The following STARD8 variants were observed in gnomAD, a reference collection of about 807,000 sequenced individuals.
STARD8 encodes StAR related lipid transfer domain containing 8.
STARD8 carries 25 observed loss-of-function variants against 69.4 expected under a neutral mutation model. The observed-to-expected ratio is 0.36, with a 90% CI of 0.26 to 0.50. The LOEUF is 0.50. Among genes scored for constraint, STARD8 ranks in the 20% least tolerant of loss-of-function variants. The probability of loss-of-function intolerance (pLI) is 0.96; values close to 1 mark genes in which losing one functional copy is unlikely to be tolerated. For synonymous variants in STARD8, 389 were observed against 374.6 expected (o/e 1.04, Z -0.45); for missense variants, 921 against 932.5 (o/e 0.99, Z 0.16).
intron 2 of STARD8, among the ~76,000 whole-genome samples, chrX:68,683,031 T>G (rs1187941126): frequency 8.9e-6 from 1 of 112,625 alleles, no homozygotes; most frequent in Non-Finnish European, 1.9e-5. Flanking sequence ...AACAGTCAGT[T>G]GCCAAATCTG....
intron 2 of STARD8, among the ~76,000 whole-genome samples, chrX:68,706,281 T>G (rs1035637567): frequency 2.7e-5 from 3 of 111,572 alleles, no homozygotes; most frequent in African/African-American, 6.5e-5. Flanking sequence ...AGGTTTGGAA[T>G]GTAGGATGAG....
intron 2 of STARD8, among the ~76,000 whole-genome samples, chrX:68,681,725 G>A (rs1602565715): frequency 8.9e-6 from 1 of 112,069 alleles, no homozygotes; most frequent in Non-Finnish European, 1.9e-5. Flanking sequence ...TGGCTTTCAT[G>A]GCTAACTAGA....
chrX:68,720,551 C>T, intron 8 of STARD8, 128 bp downstream of exon 8: 1 of 830,849 alleles, frequency 1.2e-6, no homozygotes, highest in Middle Eastern at 4.6e-4. Context: ...GGCTGGTCCA[C>T]CAGAGGCCTT....
At chrX:68,677,994 C>A (rs1475892172) in intron 2 of STARD8, among the ~76,000 whole-genome samples, 1 of 111,100 alleles carries the variant, frequency 9.0e-6, no homozygotes, top group Non-Finnish European at 1.9e-5. Context: ...CTGCATCACT[C>A]CCCTTCAACC....
At chrX:68,699,160 G>C (rs1297991367) in intron 2 of STARD8, among the ~76,000 whole-genome samples, 1 of 111,675 alleles carries the variant, frequency 9.0e-6, no homozygotes, top group Non-Finnish European at 1.9e-5. Context: ...AGCCCAAGGT[G>C]CTCCTGGGAT....
chrX:68,652,946 A>AT (rs2079564344), intron 1 of STARD8, among the ~76,000 whole-genome samples: 4 of 18,537 alleles, frequency 2.2e-4, no homozygotes, highest in Non-Finnish European at 4.0e-4. Flanking sequence ...ACACACACAC[A>AT]CCACACCACA....
At chrX:68,674,957 A>ATTT (rs770593904) in intron 2 of STARD8, among the ~76,000 whole-genome samples, 2 of 53,852 alleles carry the variant, frequency 3.7e-5, no homozygotes, top group African/African-American at 6.7e-5. Flanking sequence ...TAATTTTTGT[A>ATTT]TTTTTTTTTT....
intron 12 of STARD8, 108 bp downstream of exon 12, chrX:68,722,754 T>A: frequency 1.3e-6 from 1 of 769,209 alleles, no homozygotes; most frequent in Non-Finnish European, 1.9e-6. Context: ...GCCGCCTGAG[T>A]CTCGCTGTGC....
intron 1 of STARD8, among the ~76,000 whole-genome samples, chrX:68,649,095 A>G (rs769665207): frequency 6.2e-5 from 7 of 112,331 alleles, no homozygotes; most frequent in Non-Finnish European, 7.5e-5. Context: ...GCCTGACTGT[A>G]AGACAGGATG....
At chrX:68,662,904 G>C (rs2079660267) in intron 1 of STARD8, among the ~76,000 whole-genome samples, 1 of 112,148 alleles carries the variant, frequency 8.9e-6, no homozygotes, top group Non-Finnish European at 1.9e-5. Flanking sequence ...CAAGGGCAGG[G>C]AATATGTCTG....
intron 2 of STARD8, among the ~76,000 whole-genome samples, chrX:68,692,501 CAG>C (rs2079883877): frequency 8.9e-6 from 1 of 112,008 alleles, no homozygotes; most frequent in Non-Finnish European, 1.9e-5. Flanking sequence ...CCCTCAGAGA[CAG>C]ATATTTTTGC....
chrX:68,655,747 C>T (rs1039800841), intron 1 of STARD8, among the ~76,000 whole-genome samples: 16 of 111,704 alleles, frequency 1.4e-4, no homozygotes, highest in South Asian at 1.1e-3. Context: ...CAAAGGAGCA[C>T]TGGACACAGA....
intron 1 of STARD8, among the ~76,000 whole-genome samples, chrX:68,654,219 G>A (rs746576638): frequency 9.0e-5 from 10 of 111,644 alleles, no homozygotes; most frequent in Admixed American, 6.6e-4. Flanking sequence ...AGGACACAGC[G>A]GATTCCAATG....
intron 1 of STARD8, among the ~76,000 whole-genome samples, chrX:68,660,739 C>T (rs2079639382): frequency 8.9e-6 from 1 of 112,662 alleles, no homozygotes; most frequent in Non-Finnish European, 1.9e-5. Flanking sequence ...CACACATGGA[C>T]TCCCATGTAC....
Position 68,717,482 on chromosome X carries a change from ACCCAGGGCCAGGAGGGTC to A in STARD8, c.575_592del (p.Gly192_Gln197del). On this transcript the variant is annotated inframe_deletion, in exon 6 of 15. Coordinates refer to ENST00000374599, the MANE Select transcript of STARD8 (RefSeq NM_001142503.3). ...GAGTGACCGGCCCCTCCTCAGCCCC[ACCCAGGGCCAGGAGGGTC>A]CCCAGGACAAAGCCAAGAAGCGCCA... 8.3e-7 allele frequency: 1 copy of A among 1,209,853 alleles called. No individual in the cohort carries two copies. Among genetic ancestry groups the A allele is most frequent in the South Asian group, 1.8e-5 (1 of 56,864 alleles).
At chrX:68,715,473 C>A in intron 4 of STARD8, 98 bp downstream of exon 4, 1 of 701,727 alleles carries the variant, frequency 1.4e-6, no homozygotes, top group East Asian at 3.6e-5. Context: ...AGAGGAGGAG[C>A]CCAGCTTACT....
intron 2 of STARD8, among the ~76,000 whole-genome samples, chrX:68,682,775 C>T (rs62604444): frequency 0.033 from 3,738 of 112,518 alleles, 61 homozygotes; most frequent in Middle Eastern, 0.046. Flanking sequence ...GAGAAGTGCA[C>T]ATGTAACACA....
intron 2 of STARD8, among the ~76,000 whole-genome samples, chrX:68,672,958 G>A (rs1029345346): frequency 5.4e-5 from 6 of 111,963 alleles, no homozygotes; most frequent in Middle Eastern, 4.6e-3. Context: ...ATTCCACAGG[G>A]GAAGGGAACA....
chrX:68,688,172 C>T (rs921396971), intron 2 of STARD8, among the ~76,000 whole-genome samples: 3 of 112,172 alleles, frequency 2.7e-5, no homozygotes, highest in African/African-American at 6.5e-5. Flanking sequence ...AGAGGGTAGA[C>T]GAGCTCCAAG....
Sources: allele counts gnomAD v4.1 joint callset (sites outside exome capture counted in the v4.1 genomes callset), GRCh38; gene constraint gnomAD v4.1.1; transcripts MANE v1.5; gene names NCBI Gene and HGNC (gene_info 2026-07-23, HGNC 2026-07-21).